NRXN3: variants seen among roughly 807,000 people sequenced by gnomAD.
NRXN3 encodes the protein neurexin III.
A neutral mutation model predicts 137.6 loss-of-function variants in NRXN3; 32 were observed. The observed-to-expected ratio is 0.23, with a 90% CI of 0.18 to 0.31. The LOEUF is 0.31. Ranked by LOEUF, NRXN3 falls within the 10% of genes least tolerant of loss-of-function variation. The pLI is 1.00. For synonymous variants in NRXN3, 798 were observed against 784.5 expected (o/e 1.02, Z -0.29); for missense variants, 1,574 against 2,062.5 (o/e 0.76, Z 4.59).
rs1567328889 is a variant in NRXN3, at chr14:79,508,389, G to GTTTTTTTTTTTTTTTTTTTTTTTT, written c.3444+40987_3444+40988insTTTTTTTTTTTTTTTTTTTTTTTT. Among the ~76,000 whole-genome samples, 13 of 12,550 alleles carry GTTTTTTTTTTTTTTTTTTTTTTTT rather than the reference G, an allele frequency of 1.0e-3. 1 individual carries two copies. Among genetic ancestry groups the GTTTTTTTTTTTTTTTTTTTTTTTT allele is most frequent in the Non-Finnish European group, 1.7e-3 (11 of 6,456 alleles). 8.2% of individuals were successfully genotyped at this position (12,550 alleles called of 152,430 possible). On this transcript the variant is annotated intron_variant, in intron 16 of 20. Transcript: ENST00000335750. The stretch of plus-strand genomic sequence containing the variant: ...GAATTTTCTTTATAAAACAATAACT[G>GTTTTTTTTTTTTTTTTTTTTTTTT]ATTTTTTTTTTTTTTTTAAGACAGA...
rs1043434268 is a variant in NRXN3 at position 79,105,867 on chromosome 14, ATATT to A, written c.3262+117737_3262+117740del. ...TTCTCAACTCCTGATAAAAACACGA[ATATT>A]TATTTATTTAGTCTAGCTTTTCTTT... On this transcript the variant is annotated intron_variant, in intron 15 of 20. Transcript: ENST00000335750. Among the ~76,000 whole-genome samples, 9 of 152,158 alleles carry A rather than the reference ATATT, an allele frequency of 5.9e-5. No individual in the cohort carries two copies. In the East Asian group the frequency reaches 9.6e-4, roughly 16 times the overall value.
intron 4 of NRXN3, among the ~76,000 whole-genome samples, chr14:78,477,302 A>C (rs1263626505): frequency 6.6e-6 from 1 of 152,206 alleles, no homozygotes; most frequent in East Asian, 1.9e-4. Flanking sequence ...CTGAAGTATT[A>C]ATACCTTTCT....
intron 20 of NRXN3, among the ~76,000 whole-genome samples, chr14:79,830,527 G>C (rs1248194769): frequency 6.6e-6 from 1 of 152,088 alleles, no homozygotes; most frequent in Non-Finnish European, 1.5e-5. Flanking sequence ...TTAGTAAAGG[G>C]GGCTTTTGCT....
intron 4 of NRXN3, among the ~76,000 whole-genome samples, chr14:78,314,520 C>T (rs28731105): frequency 0.012 from 1,752 of 152,184 alleles, 32 homozygotes; most frequent in African/African-American, 0.035. Flanking sequence ...GAGGAGAGAG[C>T]GAGCTTGGAG....
chr14:79,061,326 A>G (rs779542470), intron 15 of NRXN3, among the ~76,000 whole-genome samples: 2 of 152,226 alleles, frequency 1.3e-5, no homozygotes, highest in Non-Finnish European at 2.9e-5. Flanking sequence ...CCTTGGTGCT[A>G]TCTGATACAG....
chr14:79,385,393 C>A (rs969731948), intron 15 of NRXN3, among the ~76,000 whole-genome samples: 1 of 151,786 alleles, frequency 6.6e-6, no homozygotes, highest in Non-Finnish European at 1.5e-5. Flanking sequence ...ATGAACTCAT[C>A]ATTTTTTATG....
chr14:78,585,140 G>GGC (rs1555383560), intron 4 of NRXN3, among the ~76,000 whole-genome samples: 2 of 96,260 alleles, frequency 2.1e-5, no homozygotes, highest in African/African-American at 9.9e-5. Context: ...GGGGAGATAA[G>GGC]GGGGGGGGGT....
chr14:79,025,712 T>C (rs1162714973), intron 15 of NRXN3, among the ~76,000 whole-genome samples: 1 of 152,054 alleles, frequency 6.6e-6, no homozygotes, highest in Non-Finnish European at 1.5e-5. Flanking sequence ...TTACTGAAAA[T>C]GGATTATTTT....
chr14:79,696,385 T>A (rs2098735433), intron 18 of NRXN3, among the ~76,000 whole-genome samples: 1 of 151,970 alleles, frequency 6.6e-6, no homozygotes, highest in Non-Finnish European at 1.5e-5. Context: ...AGATTAAGAA[T>A]GAGTGGAGCG....
intron 10 of NRXN3, among the ~76,000 whole-genome samples, chr14:78,822,322 T>C (rs558393459): frequency 6.6e-6 from 1 of 152,294 alleles, no homozygotes; most frequent in South Asian, 2.1e-4. Flanking sequence ...TTATCTTATT[T>C]AATCTTCACC....
intron 19 of NRXN3, among the ~76,000 whole-genome samples, chr14:79,758,070 T>A (rs1026096388): frequency 1.3e-5 from 2 of 152,200 alleles, no homozygotes; most frequent in African/African-American, 4.8e-5. Flanking sequence ...TATTTTTGTT[T>A]TTTACAGGAA....
At chr14:78,336,712 G>A (rs1300254236) in intron 4 of NRXN3, among the ~76,000 whole-genome samples, 1 of 152,026 alleles carries the variant, frequency 6.6e-6, no homozygotes, top group East Asian at 1.9e-4. Flanking sequence ...GCAATGGGTG[G>A]GGTGTCTTTT....
chr14:79,034,189 C>T (rs2099612332), intron 15 of NRXN3, among the ~76,000 whole-genome samples: 1 of 152,008 alleles, frequency 6.6e-6, no homozygotes, highest in Non-Finnish European at 1.5e-5. Flanking sequence ...ACTGAGTTCT[C>T]CTGTGACTCT....
chr14:79,308,518 G>A (rs927674209), intron 15 of NRXN3, among the ~76,000 whole-genome samples: 34 of 152,130 alleles, frequency 2.2e-4, no homozygotes, highest in Non-Finnish European at 1.3e-4. Flanking sequence ...TGTGGCTAAA[G>A]TCAGATATAT....
intron 15 of NRXN3, among the ~76,000 whole-genome samples, chr14:79,446,474 T>C (rs1053465356): frequency 2.6e-5 from 4 of 152,224 alleles, no homozygotes; most frequent in African/African-American, 9.6e-5. Context: ...TTCTATGTAT[T>C]CATTCTTTTC....
chr14:79,388,400 A>C (rs2094717096), intron 15 of NRXN3, among the ~76,000 whole-genome samples: 1 of 151,486 alleles, frequency 6.6e-6, no homozygotes, highest in African/African-American at 2.4e-5. Flanking sequence ...TTTTATATTT[A>C]GATGCTACTA....
chr14:79,386,472 A>T (rs1487932469), intron 15 of NRXN3, among the ~76,000 whole-genome samples: 1 of 152,188 alleles, frequency 6.6e-6, no homozygotes, highest in Non-Finnish European at 1.5e-5. Flanking sequence ...AAATGGAAGA[A>T]CATTCCATGC....
At chr14:79,537,349 G>C (rs377749351) in intron 16 of NRXN3, among the ~76,000 whole-genome samples, 1 of 151,836 alleles carries the variant, frequency 6.6e-6, no homozygotes, top group East Asian at 1.9e-4. Context: ...GTGCAGGTTA[G>C]TTACATATGT....
intron 17 of NRXN3, among the ~76,000 whole-genome samples, chr14:79,690,026 C>T (rs746678160): frequency 3.9e-5 from 6 of 152,096 alleles, no homozygotes; most frequent in Admixed American, 1.3e-4. Flanking sequence ...TAATGTGTAG[C>T]CAACAATGGC....
Sources: allele counts gnomAD v4.1 joint callset (sites outside exome capture counted in the v4.1 genomes callset), GRCh38; gene constraint gnomAD v4.1.1; transcripts MANE v1.5; gene names NCBI Gene and HGNC (gene_info 2026-07-23, HGNC 2026-07-21).